The following KDM4C variants were observed in gnomAD, a reference collection of about 807,000 sequenced individuals.
KDM4C encodes the protein lysine-specific demethylase 4C.
A neutral mutation model predicts 129.3 loss-of-function variants in KDM4C; 81 were observed. That is an observed-to-expected ratio of 0.63 (90% CI 0.52 to 0.75). KDM4C has a LOEUF of 0.75. Among genes scored for constraint, KDM4C ranks in the 30% least tolerant of loss-of-function variants. KDM4C has a pLI of 0.00. For missense variants in KDM4C, 1,457 were observed against 1,304.0 expected, an observed-to-expected ratio of 1.12 and a Z score of -1.81; for synonymous variants, 573 against 456.1, an observed-to-expected ratio of 1.26 and a Z score of -3.26.
In KDM4C at chr9:7,165,310, C is replaced by T. The variant is rs1432506272; in HGVS notation, c.2854C>T (p.Leu952Phe). ...VVQVKWPDGKLYGAKYFGSNI... is the reference protein window; with the variant it reads ...VVQVKWPDGKFYGAKYFGSNI... ...CCAAGTCAAGTGGCCCGATGGCAAACTCTATGGAGCAAAATATTTTGGATC... is the reference window on the plus strand; with the variant it reads ...CCAAGTCAAGTGGCCCGATGGCAAATTCTATGGAGCAAAATATTTTGGATC... The change falls in exon 20 of 22, where the codon CTC (leucine) becomes TTC (phenylalanine). Residue 952 changes from leucine (L) to phenylalanine (F), a missense_variant. Physicochemically the swap from Leu to Phe is conservative, Grantham distance 22. Transcript: ENST00000381309. 2 of 1,614,074 alleles carry T rather than the reference C, an allele frequency of 1.2e-6. No homozygotes were observed. The highest frequency in any genetic ancestry group is 1.7e-6 in the Non-Finnish European group (2 of 1,180,030).
intron 19 of KDM4C, among the ~76,000 whole-genome samples, chr9:7,154,600 T>C (rs1443473208): frequency 6.6e-6 from 1 of 152,140 alleles, no homozygotes; most frequent in African/African-American, 2.4e-5. Flanking sequence ...ATTTTTCCTT[T>C]TAGTTGATGG....
intron 4 of KDM4C, chr9:6,835,274 A>G (rs1156987609): frequency 4.4e-6 from 4 of 915,596 alleles, no homozygotes; most frequent in East Asian, 2.4e-5. Context: ...TGTGGCATCC[A>G]TGAAACTACC....
intron 6 of KDM4C, among the ~76,000 whole-genome samples, chr9:6,887,032 C>T (rs926899480): frequency 6.6e-6 from 1 of 152,236 alleles, no homozygotes; most frequent in African/African-American, 2.4e-5. Flanking sequence ...GCATCTACGC[C>T]TCATCCTGTC....
At chr9:6,974,403 A>G (rs1356024721) in intron 8 of KDM4C, among the ~76,000 whole-genome samples, 3 of 152,024 alleles carry the variant, frequency 2.0e-5, no homozygotes, top group Admixed American at 6.5e-5. Flanking sequence ...TCTGTCGTCC[A>G]GGCTGGAGTG....
intron 19 of KDM4C, among the ~76,000 whole-genome samples, chr9:7,159,689 G>C (rs1484385357): frequency 6.6e-6 from 1 of 152,194 alleles, no homozygotes. Flanking sequence ...TAGGGTTTCT[G>C]CTGAGAGATC....
At chr9:7,154,251 G>A (rs531075727) in intron 19 of KDM4C, among the ~76,000 whole-genome samples, 35 of 152,350 alleles carry the variant, frequency 2.3e-4, no homozygotes, top group Non-Finnish European at 4.4e-4. Flanking sequence ...CCAGGGTCCA[G>A]TAATGAGCAG....
At chr9:6,916,671 A>G (rs1806318987) in intron 8 of KDM4C, among the ~76,000 whole-genome samples, 1 of 152,260 alleles carries the variant, frequency 6.6e-6, no homozygotes. Flanking sequence ...TGTGTGAATA[A>G]AATATGAATA....
intron 19 of KDM4C, among the ~76,000 whole-genome samples, chr9:7,159,015 T>C (rs1354999516): frequency 2.0e-5 from 3 of 152,230 alleles, no homozygotes; most frequent in Non-Finnish European, 2.9e-5. Context: ...TTTATGAATC[T>C]GGGTGCTCCT....
At chr9:6,841,214 G>C (rs574850087) in intron 4 of KDM4C, among the ~76,000 whole-genome samples, 2 of 151,878 alleles carry the variant, frequency 1.3e-5, no homozygotes, top group East Asian at 3.9e-4. Context: ...AATTTTTATT[G>C]GTCATTATTG....
chr9:6,911,643 C>G (rs1819329021), intron 8 of KDM4C, among the ~76,000 whole-genome samples: 1 of 152,126 alleles, frequency 6.6e-6, no homozygotes, highest in Non-Finnish European at 1.5e-5. Flanking sequence ...ATATTTAGTT[C>G]AAAAGGGAGA....
chr9:6,949,618 C>G (rs1827727387), intron 8 of KDM4C, among the ~76,000 whole-genome samples: 1 of 152,350 alleles, frequency 6.6e-6, no homozygotes, highest in South Asian at 2.1e-4. Context: ...GCTGGCAGAT[C>G]ACTCGCGGTT....
intron 4 of KDM4C, among the ~76,000 whole-genome samples, chr9:6,832,724 C>CT (rs35060245): frequency 2.6e-3 from 310 of 119,502 alleles, no homozygotes; most frequent in African/African-American, 2.9e-3. Flanking sequence ...TGTGCCCGGC[C>CT]TTTTTTTTTT....
chr9:6,742,748 A>G (rs981559411), intron 1 of KDM4C, among the ~76,000 whole-genome samples: 1 of 151,616 alleles, frequency 6.6e-6, no homozygotes, highest in African/African-American at 2.4e-5. Flanking sequence ...CGATCTAAGA[A>G]TCGCTTGAAC....
intron 17 of KDM4C, among the ~76,000 whole-genome samples, chr9:7,091,552 A>T (rs895344922): frequency 6.6e-6 from 1 of 152,228 alleles, no homozygotes; most frequent in African/African-American, 2.4e-5. Flanking sequence ...AGTTAGACAG[A>T]TGTGTGATTT....
chr9:6,949,637 G>T (rs1827734902), intron 8 of KDM4C, among the ~76,000 whole-genome samples: 1 of 152,204 alleles, frequency 6.6e-6, no homozygotes, highest in South Asian at 2.1e-4. Context: ...TTAGGAGCTG[G>T]AGACCAGCCC....
chr9:7,003,901 T>C (rs1375305513), intron 12 of KDM4C, among the ~76,000 whole-genome samples: 1 of 152,158 alleles, frequency 6.6e-6, no homozygotes, highest in South Asian at 2.1e-4. Context: ...TCTGCACTTA[T>C]CCCACCCCAC....
intron 8 of KDM4C, among the ~76,000 whole-genome samples, chr9:6,921,314 G>T (rs1162162406): frequency 6.6e-6 from 1 of 152,180 alleles, no homozygotes; most frequent in Non-Finnish European, 1.5e-5. Flanking sequence ...AATCAAGGCT[G>T]ATTACTTCAC....
intron 17 of KDM4C, among the ~76,000 whole-genome samples, chr9:7,052,905 G>T (rs1271175994): frequency 1.1e-4 from 17 of 149,218 alleles, no homozygotes; most frequent in African/African-American, 4.3e-4. Flanking sequence ...GAGAGAGCGA[G>T]CGAGTGCCCA....
intron 1 of KDM4C, among the ~76,000 whole-genome samples, chr9:6,760,689 G>C (rs2130423568): frequency 6.6e-6 from 1 of 151,976 alleles, no homozygotes; most frequent in South Asian, 2.1e-4. Context: ...TCCTGCCTCA[G>C]CCTCCTGAAT....
Sources: gnomAD v4.1 joint callset for allele counts (sites outside exome capture counted in the v4.1 genomes callset) on GRCh38, gnomAD v4.1.1 for gene constraint, MANE v1.5 for transcripts, NCBI Gene and HGNC (gene_info 2026-07-23, HGNC 2026-07-21) for gene names.